Variants in MAP2K4 observed in about 807,000 individuals in gnomAD.
The protein encoded by MAP2K4 is dual specificity mitogen-activated protein kinase kinase 4.
MAP2K4 carries 4 observed loss-of-function variants against 48.5 expected under a neutral mutation model. That is an observed-to-expected ratio of 0.08 (90% CI 0.04 to 0.19). MAP2K4 has a LOEUF of 0.19. MAP2K4 is among the 10% of genes least tolerant of loss of function. The pLI is 1.00. For missense variants in MAP2K4, 258 were observed against 493.3 expected, an observed-to-expected ratio of 0.52 and a Z score of 4.52; for synonymous variants, 166 against 173.1, an observed-to-expected ratio of 0.96 and a Z score of 0.32.
intron 3 of MAP2K4, among the ~76,000 whole-genome samples, chr17:12,094,620 A>G (rs1208015439): frequency 1.3e-5 from 2 of 152,194 alleles, no homozygotes; most frequent in African/African-American, 2.4e-5. Flanking sequence ...CTTTGATGTT[A>G]AACTATAATT....
intron 4 of MAP2K4, among the ~76,000 whole-genome samples, chr17:12,105,900 C>G (rs569977725): frequency 6.6e-6 from 1 of 152,232 alleles, no homozygotes; most frequent in South Asian, 2.1e-4. Flanking sequence ...CATTTCCCTT[C>G]CTTCTCCCTT....
rs181899341 is a variant in MAP2K4, at chr17:12,128,045, A to G, written c.892-1094A>G. 1.7e-3 allele frequency among the ~76,000 whole-genome samples: 256 copies of G among 152,262 alleles called. 2 individuals are homozygous for G. The highest frequency in any genetic ancestry group is 2.6e-3 in the Non-Finnish European group (174 of 68,000). ...ATTATGCCATGGTGCAGATTTAAAT[A>G]TGTTTCTTGGAAAAAGCAAAATTTG... On this transcript the variant is annotated intron_variant, in intron 8 of 10. Coordinates refer to ENST00000353533, the MANE Select transcript of MAP2K4 (RefSeq NM_003010.4).
chr17:12,129,887 C>T (rs1972970828), intron 9 of MAP2K4, among the ~76,000 whole-genome samples: 1 of 152,124 alleles, frequency 6.6e-6, no homozygotes, highest in Admixed American at 6.5e-5. Flanking sequence ...ATATGTAGCA[C>T]CTAAGAATAA....
chr17:12,055,046 G>A (rs963665511), intron 2 of MAP2K4, 55 bp downstream of exon 2: 14 of 1,126,294 alleles, frequency 1.2e-5, no homozygotes, highest in Non-Finnish European at 1.8e-5. Context: ...TAAAGTTACT[G>A]TATTTTATGA....
intron 3 of MAP2K4, among the ~76,000 whole-genome samples, chr17:12,088,182 G>A (rs934096987): frequency 3.3e-5 from 5 of 152,010 alleles, no homozygotes; most frequent in African/African-American, 1.2e-4. Context: ...CTGGAGGAGT[G>A]TGATCCTTGC....
intron 5 of MAP2K4, among the ~76,000 whole-genome samples, chr17:12,108,288 C>T (rs990925599): frequency 6.6e-6 from 1 of 152,006 alleles, no homozygotes; most frequent in African/African-American, 2.4e-5. Flanking sequence ...AATTGAAGCC[C>T]TTGGACAAAG....
chr17:12,052,245 A>G (rs1195029730), intron 1 of MAP2K4, among the ~76,000 whole-genome samples: 4 of 152,212 alleles, frequency 2.6e-5, no homozygotes, highest in Non-Finnish European at 5.9e-5. Flanking sequence ...AATGATCAGA[A>G]TATAAATTTG....
intron 1 of MAP2K4, among the ~76,000 whole-genome samples, chr17:12,026,625 G>A (rs1969261841): frequency 1.3e-5 from 2 of 152,190 alleles, no homozygotes; most frequent in African/African-American, 4.8e-5. Context: ...GTGACTGGTA[G>A]CCTTTGCTCC....
intron 1 of MAP2K4, chr17:12,032,344 T>C (rs1470752153): frequency 1.9e-6 from 2 of 1,045,732 alleles, no homozygotes; most frequent in African/African-American, 1.6e-5. Flanking sequence ...TTTTTTCATA[T>C]CCATCTTGGT....
intron 7 of MAP2K4, among the ~76,000 whole-genome samples, chr17:12,116,445 T>A (rs1311853706): frequency 6.6e-6 from 1 of 152,080 alleles, no homozygotes; most frequent in Non-Finnish European, 1.5e-5. Flanking sequence ...CAGTAATAAA[T>A]TAACCTGAGT....
intron 2 of MAP2K4, among the ~76,000 whole-genome samples, chr17:12,076,087 G>A (rs1261303407): frequency 6.6e-6 from 1 of 152,132 alleles, no homozygotes; most frequent in Non-Finnish European, 1.5e-5. Context: ...CTAATAGAGG[G>A]TGGGAGTGAA....
chr17:12,141,864 A>C lies in MAP2K4; in HGVS notation c.*604A>C, dbSNP rs576184750. The stretch of plus-strand genomic sequence containing the variant: ...AGCCAAATTTCCTGTTTGAAATATC[A>C]TGTTAAATTAGAATGAATTTATCTT... On this transcript the variant is annotated 3_prime_UTR_variant, in exon 11 of 11. Coordinates refer to ENST00000353533, the MANE Select transcript of MAP2K4 (RefSeq NM_003010.4). 5 of 233,582 alleles carry C rather than the reference A, an allele frequency of 2.1e-5. No individual in the cohort carries two copies. Among genetic ancestry groups the C allele is most frequent in the Admixed American group, 1.1e-4 (2 of 17,790 alleles). 14.5% of individuals were successfully genotyped at this position (233,582 alleles called of 1,614,324 possible).
intron 6 of MAP2K4, among the ~76,000 whole-genome samples, chr17:12,111,366 G>T (rs1328312310): frequency 6.6e-6 from 1 of 152,032 alleles, no homozygotes; most frequent in Non-Finnish European, 1.5e-5. Context: ...ATTTTGTTTG[G>T]CTTAATGCTT....
At chr17:12,095,365 A>T in intron 3 of MAP2K4, 1 of 581,638 alleles carries the variant, frequency 1.7e-6, no homozygotes, top group Non-Finnish European at 3.1e-6. Flanking sequence ...TCTCCTTTAA[A>T]GGATTTCTAA....
intron 9 of MAP2K4, among the ~76,000 whole-genome samples, chr17:12,130,026 T>C (rs1163615341): frequency 3.9e-5 from 6 of 152,340 alleles, no homozygotes; most frequent in South Asian, 2.1e-4. Context: ...GATTTAAATA[T>C]AAGACATGCT....
intron 1 of MAP2K4, among the ~76,000 whole-genome samples, chr17:12,025,716 T>TA (rs1188737767): frequency 6.6e-6 from 1 of 152,186 alleles, no homozygotes; most frequent in Non-Finnish European, 1.5e-5. Flanking sequence ...GATTCTGCTT[T>TA]AGAAAACACG....
intron 4 of MAP2K4, among the ~76,000 whole-genome samples, chr17:12,099,157 T>C (rs990688819): frequency 6.6e-6 from 1 of 152,018 alleles, no homozygotes; most frequent in African/African-American, 2.4e-5. Context: ...TATTTGTCTT[T>C]CTGTTTCTGG....
intron 2 of MAP2K4, among the ~76,000 whole-genome samples, chr17:12,061,046 C>A (rs1970435691): frequency 6.6e-6 from 1 of 152,080 alleles, no homozygotes; most frequent in South Asian, 2.1e-4. Context: ...TTTTTAGGTA[C>A]CTCTCATAAG....
chr17:12,022,967 A>G (rs1231250286), intron 1 of MAP2K4, among the ~76,000 whole-genome samples: 2 of 152,230 alleles, frequency 1.3e-5, no homozygotes. Context: ...CTCCTAAGGC[A>G]GTGGTTAGGA....
Sources: allele counts gnomAD v4.1 joint callset (sites outside exome capture counted in the v4.1 genomes callset), GRCh38; gene constraint gnomAD v4.1.1; transcripts MANE v1.5; gene names NCBI Gene and HGNC (gene_info 2026-07-23, HGNC 2026-07-21).